Variants in SHOC1 observed in about 807,000 individuals in gnomAD.
SHOC1 encodes the protein shortage in chiasmata 1.
A neutral mutation model predicts 179.2 loss-of-function variants in SHOC1; 136 were observed. The observed-to-expected ratio is 0.76, with a 90% confidence interval of 0.66 to 0.87. The LOEUF is 0.87. Ranked by LOEUF, SHOC1 falls within the 40% of genes least tolerant of loss-of-function variation. The pLI, the probability that SHOC1 is intolerant of heterozygous loss-of-function variation, is 0.00. For missense variants in SHOC1, 1,538 were observed against 1,700.8 expected (o/e 0.90, Z 1.68); for synonymous variants, 489 against 586.6 (o/e 0.83, Z 2.41).
At chr9:111,735,793 A>C (rs970581687) in intron 12 of SHOC1, among the ~76,000 whole-genome samples, 10 of 152,250 alleles carry the variant, frequency 6.6e-5, no homozygotes, top group African/African-American at 2.4e-4. Context: ...ACTAGTTTAC[A>C]CTCCTACCAA....
chr9:111,781,346 T>G (rs1836032006), intron 3 of SHOC1, among the ~76,000 whole-genome samples: 1 of 152,134 alleles, frequency 6.6e-6, no homozygotes, highest in Non-Finnish European at 1.5e-5. Context: ...TATTAACCAT[T>G]CCAGCTCAAG....
At chr9:111,769,902 C>T (rs1835495999) in intron 5 of SHOC1, among the ~76,000 whole-genome samples, 1 of 150,734 alleles carries the variant, frequency 6.6e-6, no homozygotes, top group South Asian at 2.1e-4. Context: ...ATTATGTCTC[C>T]TTTTTCATTT....
At chr9:111,779,832 G>A (rs1835970533) in intron 4 of SHOC1, among the ~76,000 whole-genome samples, 1 of 152,168 alleles carries the variant, frequency 6.6e-6, no homozygotes, top group Non-Finnish European at 1.5e-5. Context: ...TAAAGTTTGA[G>A]AAGCACTGAT....
intron 10 of SHOC1, among the ~76,000 whole-genome samples, chr9:111,743,955 T>C (rs951743763): frequency 2.0e-5 from 3 of 152,352 alleles, no homozygotes; most frequent in African/African-American, 7.2e-5. Context: ...CAAATGGCTC[T>C]AAAACCATTA....
Position 111,692,511 on chromosome 9 carries a change from G to GC in SHOC1, c.3466-1dup (p.His1156AlafsTer4), listed in dbSNP as rs780491032. The GC allele has an allele frequency of 6.5e-6, 10 of 1,539,042 alleles. No individual in the cohort carries two copies. The highest frequency in any genetic ancestry group is 8.8e-6 in the Non-Finnish European group (10 of 1,138,112). ...AATAGGGAAGTGATGCTACAAAAAT[G>GC]CTAAAAAATGAATTAATATAATGCA... On this transcript the variant is annotated frameshift_variant and splice_region_variant. Coordinates refer to ENST00000682961, the MANE Select transcript of SHOC1 (RefSeq NM_001378211.1). LOFTEE classifies it high-confidence loss of function.
chr9:111,789,335 A>G (rs904460268), intron 2 of SHOC1, among the ~76,000 whole-genome samples: 9 of 152,208 alleles, frequency 5.9e-5, no homozygotes, highest in Admixed American at 5.2e-4. Context: ...AAAAAGTTTT[A>G]TAACAAAATT....
intron 13 of SHOC1, among the ~76,000 whole-genome samples, chr9:111,727,193 T>C (rs1338352687): frequency 6.6e-6 from 1 of 152,150 alleles, no homozygotes; most frequent in Non-Finnish European, 1.5e-5. Context: ...CAGAAACTGT[T>C]AGGTAATGTT....
At chr9:111,779,552 C>A (rs1835959301) in intron 4 of SHOC1, among the ~76,000 whole-genome samples, 2 of 152,164 alleles carry the variant, frequency 1.3e-5, no homozygotes, top group South Asian at 4.1e-4. Context: ...AAGTTAATTT[C>A]TCTTTGATTG....
intron 4 of SHOC1, among the ~76,000 whole-genome samples, chr9:111,776,954 A>C (rs1203734072): frequency 6.6e-6 from 1 of 152,160 alleles, no homozygotes; most frequent in Non-Finnish European, 1.5e-5. Flanking sequence ...TTATTACTCA[A>C]ATCAGTCTCC....
intron 16 of SHOC1, among the ~76,000 whole-genome samples, chr9:111,715,370 T>C (rs1375333858): frequency 6.6e-6 from 1 of 152,240 alleles, no homozygotes; most frequent in Non-Finnish European, 1.5e-5. Flanking sequence ...TTAATGTCTA[T>C]GTACAAGTTT....
At chr9:111,710,148 C>G (rs77045770) in intron 18 of SHOC1, among the ~76,000 whole-genome samples, 1,683 of 152,256 alleles carry the variant, frequency 0.011, 30 homozygotes, top group African/African-American at 0.037. Context: ...CTGTGGTAGT[C>G]TCAGCCCCAT....
chr9:111,722,422 A>G lies in SHOC1; in HGVS notation c.2118T>C (p.Asp706=), dbSNP rs756343276. 2 of 1,598,450 alleles carry G rather than the reference A, an allele frequency of 1.3e-6. No individual in the cohort carries two copies. Among genetic ancestry groups the G allele is most frequent in the Admixed American group, 1.8e-5 (1 of 54,294 alleles). The change falls in exon 15 of 28, where the codon GAT becomes GAC. Residue 706 remains aspartate, a synonymous_variant. Coordinates refer to ENST00000682961, the MANE Select transcript of SHOC1 (RefSeq NM_001378211.1). Reference sequence around the variant, plus strand: ...ATTTGTACTCACCTTGGCGAACAGCATCACTTACTACTTTTTCTTGTTCCT... The same window carrying G: ...ATTTGTACTCACCTTGGCGAACAGCGTCACTTACTACTTTTTCTTGTTCCT... ...LLKEQEKVVS[D]AVRQGTIDER...
intron 27 of SHOC1, among the ~76,000 whole-genome samples, chr9:111,687,433 C>T (rs1227556387): frequency 6.6e-6 from 1 of 152,134 alleles, no homozygotes; most frequent in Non-Finnish European, 1.5e-5. Flanking sequence ...TATTTTTATG[C>T]TCATGCCTTG....
intron 12 of SHOC1, among the ~76,000 whole-genome samples, chr9:111,728,594 T>C (rs1457208287): frequency 6.6e-6 from 1 of 152,086 alleles, no homozygotes; most frequent in African/African-American, 2.4e-5. Flanking sequence ...AGGCCACATA[T>C]TGTATGATTC....
At chr9:111,718,038 T>C in intron 16 of SHOC1, 146 bp downstream of exon 16, 1 of 514,672 alleles carries the variant, frequency 1.9e-6, no homozygotes, top group Non-Finnish European at 3.3e-6. Flanking sequence ...TTCATTAGAA[T>C]TATGTCAAAA....
chr9:111,697,539 G>A (rs1487660253), intron 24 of SHOC1, among the ~76,000 whole-genome samples: 1 of 152,148 alleles, frequency 6.6e-6, no homozygotes, highest in Non-Finnish European at 1.5e-5. Flanking sequence ...TTTTATGGCT[G>A]CATAGTACTC....
chr9:111,789,493 GT>G (rs1380611061), intron 2 of SHOC1, among the ~76,000 whole-genome samples: 2 of 151,398 alleles, frequency 1.3e-5, no homozygotes, highest in African/African-American at 2.4e-5. Flanking sequence ...GTTTTTTTAA[GT>G]TTTTTTTAAG....
In SHOC1 at chr9:111,736,003, C is replaced by T. The variant is rs1833798735; in HGVS notation, c.1417+2277G>A. Among the ~76,000 whole-genome samples, 3 of 151,972 alleles carry T rather than the reference C, an allele frequency of 2.0e-5. No homozygotes were observed. The South Asian group carries it at 6.2e-4, about 32-fold the overall frequency. ...TAGTGCTGTGATGAACATATTAGTG[C>T]ATGTATGAGATAAAAGACCTCTACA... On this transcript the variant is annotated intron_variant, in intron 12 of 27. Coordinates refer to ENST00000682961, the MANE Select transcript of SHOC1 (RefSeq NM_001378211.1).
At chr9:111,791,985 A>C (rs145316863) in intron 1 of SHOC1, among the ~76,000 whole-genome samples, 1 of 152,316 alleles carries the variant, frequency 6.6e-6, no homozygotes, top group Non-Finnish European at 1.5e-5. Context: ...CTCTGTGCTG[A>C]AACAGTGGAG....
Sources: gnomAD v4.1 joint callset for allele counts (sites outside exome capture counted in the v4.1 genomes callset) on GRCh38, gnomAD v4.1.1 for gene constraint, MANE v1.5 for transcripts, NCBI Gene and HGNC (gene_info 2026-07-23, HGNC 2026-07-21) for gene names.